MAGI1: variants seen among roughly 807,000 people sequenced by gnomAD.
The protein encoded by MAGI1 is membrane-associated guanylate kinase, WW and PDZ domain-containing protein 1.
In MAGI1, 58 loss-of-function variants were observed where a neutral mutation model predicts 139.9. The observed-to-expected ratio is 0.41, with a 90% CI of 0.34 to 0.52. The LOEUF is 0.52. Among genes scored for constraint, MAGI1 ranks in the 20% least tolerant of loss-of-function variants. The pLI is 0.12. For missense variants in MAGI1, 1,874 were observed against 1,901.6 expected (o/e 0.99, Z 0.27); for synonymous variants, 812 against 737.9 (o/e 1.10, Z -1.63).
chr3:65,744,339 A>T, intron 1 of MAGI1, among the ~76,000 whole-genome samples: 1 of 152,238 alleles, frequency 6.6e-6, no homozygotes, highest in East Asian at 1.9e-4. Flanking sequence ...ATGTGACTCC[A>T]GATTTTGAAC....
chr3:65,463,815 G>C (rs1949988110), intron 5 of MAGI1, among the ~76,000 whole-genome samples: 1 of 152,046 alleles, frequency 6.6e-6, no homozygotes, highest in Non-Finnish European at 1.5e-5. Context: ...CTTGTTATTG[G>C]TCTATTCAGG....
intron 2 of MAGI1, among the ~76,000 whole-genome samples, chr3:65,563,660 C>T (rs1327522523): frequency 2.6e-5 from 4 of 152,146 alleles, no homozygotes; most frequent in Non-Finnish European, 5.9e-5. Context: ...ATCAGACCAA[C>T]CTGGATTTGA....
At chr3:65,638,206 G>A (rs752870752) in intron 1 of MAGI1, among the ~76,000 whole-genome samples, 2 of 152,178 alleles carry the variant, frequency 1.3e-5, no homozygotes, top group African/African-American at 2.4e-5. Flanking sequence ...TGACAGGGCT[G>A]TCATGAGGAC....
intron 1 of MAGI1, among the ~76,000 whole-genome samples, chr3:65,811,175 T>G (rs533181176): frequency 2.0e-5 from 3 of 152,264 alleles, no homozygotes; most frequent in African/African-American, 7.2e-5. Flanking sequence ...ACAGGCAACT[T>G]CATAGGATAA....
chr3:65,711,830 G>A (rs150359655), intron 1 of MAGI1, among the ~76,000 whole-genome samples: 8 of 152,294 alleles, frequency 5.3e-5, no homozygotes, highest in East Asian at 1.9e-4. Context: ...CCAGAACTGA[G>A]AGAAAACAAA....
chr3:65,847,834 G>A (rs950054352), intron 1 of MAGI1, among the ~76,000 whole-genome samples: 1 of 152,170 alleles, frequency 6.6e-6, no homozygotes, highest in African/African-American at 2.4e-5. Context: ...CCTAACTAAG[G>A]AATTTGTCTC....
At chr3:65,732,462 A>C (rs1174153959) in intron 1 of MAGI1, among the ~76,000 whole-genome samples, 3 of 151,758 alleles carry the variant, frequency 2.0e-5, no homozygotes, top group Non-Finnish European at 1.5e-5. Context: ...TTTCTGAATC[A>C]TTTCAAACCA....
At chr3:65,945,098 A>G (rs2063491361) in intron 1 of MAGI1, among the ~76,000 whole-genome samples, 2 of 152,212 alleles carry the variant, frequency 1.3e-5, no homozygotes, top group Non-Finnish European at 2.9e-5. Context: ...ATCTGGGAGC[A>G]CCAATGGATC....
intron 1 of MAGI1, among the ~76,000 whole-genome samples, chr3:65,847,913 T>C (rs924399177): frequency 2.0e-5 from 3 of 152,188 alleles, no homozygotes; most frequent in African/African-American, 4.8e-5. Flanking sequence ...CTCACACCTG[T>C]AGTCCCGGCA....
At chr3:65,820,963 T>C (rs182289754) in intron 1 of MAGI1, among the ~76,000 whole-genome samples, 3 of 152,214 alleles carry the variant, frequency 2.0e-5, no homozygotes, top group Admixed American at 6.5e-5. Flanking sequence ...AATCAATCAC[T>C]GTAGGCAAAA....
At chr3:65,985,450 A>G (rs2065832788) in intron 1 of MAGI1, among the ~76,000 whole-genome samples, 1 of 152,210 alleles carries the variant, frequency 6.6e-6, no homozygotes, top group Non-Finnish European at 1.5e-5. Flanking sequence ...TTGGAAATGT[A>G]CACACCAAGC....
At chr3:65,614,866 A>G (rs1419122282) in intron 2 of MAGI1, among the ~76,000 whole-genome samples, 1 of 151,984 alleles carries the variant, frequency 6.6e-6, no homozygotes, top group African/African-American at 2.4e-5. Flanking sequence ...AAAAACAGAA[A>G]TAAAAAAGAC....
chr3:65,921,466 G>A (rs1427571836), intron 1 of MAGI1, among the ~76,000 whole-genome samples: 1 of 151,796 alleles, frequency 6.6e-6, no homozygotes, highest in Non-Finnish European at 1.5e-5. Flanking sequence ...GCGCCACCAG[G>A]CCTGGCTAAT....
At chr3:65,760,670 G>A (rs1351653859) in intron 1 of MAGI1, among the ~76,000 whole-genome samples, 1 of 152,140 alleles carries the variant, frequency 6.6e-6, no homozygotes, top group East Asian at 1.9e-4. Context: ...GGTCCTCAAA[G>A]AGGTAGGGTT....
At chr3:65,584,816 T>C (rs1215650118) in intron 2 of MAGI1, among the ~76,000 whole-genome samples, 3 of 152,252 alleles carry the variant, frequency 2.0e-5, no homozygotes, top group African/African-American at 7.2e-5. Flanking sequence ...GTACTCATTT[T>C]TATCTCATTC....
At chr3:66,017,438 C>T (rs1457367018) in intron 1 of MAGI1, among the ~76,000 whole-genome samples, 1 of 152,216 alleles carries the variant, frequency 6.6e-6, no homozygotes, top group African/African-American at 2.4e-5. Flanking sequence ...CAGGGGGTCA[C>T]CTACCCTTAA....
chr3:65,720,026 C>T (rs1382950440), intron 1 of MAGI1: 1 of 152,136 alleles, frequency 6.6e-6, no homozygotes, highest in Non-Finnish European at 1.5e-5. Flanking sequence ...GACAGTATCT[C>T]AATTTCTTGT....
intron 1 of MAGI1, among the ~76,000 whole-genome samples, chr3:65,787,507 C>T (rs969269969): frequency 2.0e-5 from 3 of 150,774 alleles, no homozygotes; most frequent in African/African-American, 7.3e-5. Context: ...AGGGAACTAA[C>T]TCTCACACAT....
At chr3:65,699,972 C>T (rs1266369782) in intron 1 of MAGI1, among the ~76,000 whole-genome samples, 1 of 151,964 alleles carries the variant, frequency 6.6e-6, no homozygotes, top group African/African-American at 2.4e-5. Context: ...GAAGGTAGGG[C>T]CCCAGAAATC....
Sources: allele counts gnomAD v4.1 joint callset (sites outside exome capture counted in the v4.1 genomes callset), GRCh38; gene constraint gnomAD v4.1.1; transcripts MANE v1.5; gene names NCBI Gene and HGNC (gene_info 2026-07-23, HGNC 2026-07-21).